BTRC: variants seen among roughly 807,000 people sequenced by gnomAD.
BTRC encodes F-box/WD repeat-containing protein 1A.
A neutral mutation model predicts 85.5 loss-of-function variants in BTRC; 42 were observed. The ratio of observed to expected loss-of-function variants is 0.49; its 90% confidence interval spans 0.38 to 0.64. The LOEUF (loss-of-function observed/expected upper bound fraction) is 0.64. Among genes scored for constraint, BTRC ranks in the 30% least tolerant of loss-of-function variants. BTRC has a pLI of 0.00. For synonymous variants in BTRC, 255 were observed against 263.3 expected (o/e 0.97, Z 0.30); for missense variants, 594 against 743.5 (o/e 0.80, Z 2.34).
chr10:101,481,640 A>G (rs988771836), intron 4 of BTRC, among the ~76,000 whole-genome samples: 7 of 152,064 alleles, frequency 4.6e-5, no homozygotes, highest in African/African-American at 1.7e-4. Context: ...ATCTAGCACA[A>G]TTATTTAATT....
chr10:101,521,840 T>A lies in BTRC; in HGVS notation c.526T>A (p.Leu176Met), dbSNP rs1401056869. 51 of 1,613,316 alleles carry A rather than the reference T, an allele frequency of 3.2e-5. No individual in the cohort carries two copies. Among genetic ancestry groups the A allele is most frequent in the Non-Finnish European group, 4.2e-5 (49 of 1,179,442 alleles). Reference protein sequence around the residue: ...GHINSYLKPMLQRDFITALPA... With the variant: ...GHINSYLKPMMQRDFITALPA... ...CATAAACTCGTATCTTAAACCTATG[T>A]TGCAGAGAGATTTCATAACTGCTCT... Residue 176 changes from leucine (L) to methionine (M), a missense_variant, in exon 5 of 15, where the codon TTG (leucine) becomes ATG (methionine). Physicochemically the swap from Leu to Met is conservative, Grantham distance 15. Around this residue, in one of 4 missense-constraint regions of BTRC, gnomAD observed 373 missense variants for 503.6 expected, o/e 0.74. Transcript: ENST00000370187.
At chr10:101,449,303 G>A (rs1944901914) in intron 2 of BTRC, among the ~76,000 whole-genome samples, 1 of 151,598 alleles carries the variant, frequency 6.6e-6, no homozygotes. Flanking sequence ...CAGGAAACAA[G>A]GATGACAGAA....
At chr10:101,427,357 C>T (rs1272376776) in intron 1 of BTRC, among the ~76,000 whole-genome samples, 1 of 151,836 alleles carries the variant, frequency 6.6e-6, no homozygotes, top group African/African-American at 2.4e-5. Context: ...ACCTTGTGTT[C>T]CACCCACCTT....
At chr10:101,387,222 A>T (rs189805742) in intron 1 of BTRC, among the ~76,000 whole-genome samples, 25 of 151,884 alleles carry the variant, frequency 1.6e-4, no homozygotes, top group Admixed American at 8.5e-4. Context: ...ATTTAACATA[A>T]TAAGTGTACA....
intron 8 of BTRC, 35 bp downstream of exon 8, chr10:101,532,467 G>A (rs147192570): frequency 2.5e-5 from 39 of 1,567,120 alleles, no homozygotes; most frequent in Middle Eastern, 1.7e-4. Context: ...GGTAGCAGAG[G>A]GAGCAAGAGT....
intron 5 of BTRC, among the ~76,000 whole-genome samples, chr10:101,522,778 A>G (rs145126380): frequency 1.3e-5 from 2 of 152,122 alleles, no homozygotes; most frequent in Non-Finnish European, 2.9e-5. Flanking sequence ...ATTTTTACCC[A>G]TACATAGGTC....
At chr10:101,400,203 GTAAA>G (rs1353468341) in intron 1 of BTRC, among the ~76,000 whole-genome samples, 2 of 152,232 alleles carry the variant, frequency 1.3e-5, no homozygotes, top group Non-Finnish European at 2.9e-5. Flanking sequence ...AAATAGCAAA[GTAAA>G]TACACTGCTG....
chr10:101,473,967 A>G (rs1310569484), intron 3 of BTRC, among the ~76,000 whole-genome samples: 1 of 151,498 alleles, frequency 6.6e-6, no homozygotes, highest in Non-Finnish European at 1.5e-5. Context: ...TTGGTTTTTC[A>G]TTTTCTGGTA....
chr10:101,431,941 T>G (rs982057750), intron 2 of BTRC, among the ~76,000 whole-genome samples: 1 of 152,196 alleles, frequency 6.6e-6, no homozygotes, highest in African/African-American at 2.4e-5. Flanking sequence ...AAATCAAGTC[T>G]TGAATATTGT....
chr10:101,553,579 C>T lies in BTRC; in HGVS notation c.*456C>T, dbSNP rs2062684447. 1 of 152,732 alleles carries T rather than the reference C, an allele frequency of 6.5e-6. No homozygotes were observed. Among genetic ancestry groups the T allele is most frequent in the African/African-American group, 2.4e-5 (1 of 41,428 alleles). 9.5% of individuals were successfully genotyped at this position (152,732 alleles called of 1,614,324 possible). ...TTCTAGGGTATGGGGGATGCAGCTT[C>T]AAGCCCAGTGCCCAGTGTCTCCCTG... is the stretch of plus-strand genomic sequence containing the variant. On this transcript the variant is annotated 3_prime_UTR_variant, in exon 15 of 15. Coordinates refer to ENST00000370187, the MANE Select transcript of BTRC (RefSeq NM_033637.4).
At chr10:101,541,332 G>A (rs375330472) in intron 13 of BTRC, among the ~76,000 whole-genome samples, 9 of 151,550 alleles carry the variant, frequency 5.9e-5, no homozygotes, top group Admixed American at 2.6e-4. Context: ...CGATCTCAGC[G>A]CACTGCAAGC....
chr10:101,512,762 G>A (rs1166946796), intron 4 of BTRC, among the ~76,000 whole-genome samples: 1 of 152,208 alleles, frequency 6.6e-6, no homozygotes, highest in Admixed American at 6.5e-5. Flanking sequence ...CTAAGCTGAA[G>A]GACAGTTCCA....
chr10:101,423,285 T>C (rs2134059993), intron 1 of BTRC, among the ~76,000 whole-genome samples: 1 of 152,288 alleles, frequency 6.6e-6, no homozygotes, highest in East Asian at 1.9e-4. Context: ...TGTTCCGCAA[T>C]TCATTGCCAA....
chr10:101,419,698 G>A (rs1414129235), intron 1 of BTRC, among the ~76,000 whole-genome samples: 1 of 152,154 alleles, frequency 6.6e-6, no homozygotes, highest in Non-Finnish European at 1.5e-5. Flanking sequence ...TTTACCAAGG[G>A]CATGCATACC....
intron 4 of BTRC, among the ~76,000 whole-genome samples, chr10:101,483,405 C>G (rs1159776515): frequency 6.6e-6 from 1 of 152,178 alleles, no homozygotes; most frequent in Admixed American, 6.5e-5. Context: ...CCAGCCCAAC[C>G]AACATGGTGA....
intron 1 of BTRC, among the ~76,000 whole-genome samples, chr10:101,360,996 G>A (rs981635953): frequency 1.3e-5 from 2 of 152,094 alleles, no homozygotes; most frequent in African/African-American, 4.8e-5. Flanking sequence ...TGTAGAGATG[G>A]GGTCTTGCTG....
intron 13 of BTRC, among the ~76,000 whole-genome samples, chr10:101,546,884 CCAAA>C (rs1190677551): frequency 2.6e-5 from 4 of 152,140 alleles, no homozygotes; most frequent in Non-Finnish European, 4.4e-5. Context: ...AATTATCTTT[CCAAA>C]CAGAGAAACT....
chr10:101,366,021 A>G (rs778814755), intron 1 of BTRC, among the ~76,000 whole-genome samples: 2 of 151,908 alleles, frequency 1.3e-5, no homozygotes, highest in African/African-American at 2.4e-5. Flanking sequence ...GTCTCTCTCT[A>G]TTTTTCCTTT....
intron 3 of BTRC, among the ~76,000 whole-genome samples, chr10:101,465,118 T>C (rs1276397495): frequency 1.3e-5 from 2 of 152,164 alleles, no homozygotes; most frequent in African/African-American, 4.8e-5. Context: ...TTGTTTTGTT[T>C]TGTTTTTCCT....
Sources: gnomAD v4.1 joint callset for allele counts (sites outside exome capture counted in the v4.1 genomes callset) on GRCh38, gnomAD v4.1.1 for gene constraint, gnomAD v4.1.1 regional missense constraint, MANE v1.5 for transcripts, NCBI Gene and HGNC (gene_info 2026-07-23, HGNC 2026-07-21) for gene names.